The following NUP54 variants were observed in gnomAD, a reference collection of about 807,000 sequenced individuals.
NUP54 encodes nucleoporin p54.
In NUP54, 27 loss-of-function variants were observed where a neutral mutation model predicts 66.4. The ratio of observed to expected loss-of-function variants is 0.41; its 90% CI spans 0.30 to 0.56. The LOEUF (loss-of-function observed/expected upper bound fraction) is 0.56. Ranked by LOEUF, NUP54 falls within the 20% of genes least tolerant of loss-of-function variation. The pLI, the probability that NUP54 is intolerant of heterozygous loss-of-function variation, is 0.34. For synonymous variants in NUP54, 206 were observed against 210.7 expected (o/e 0.98, Z 0.19); for missense variants, 486 against 596.3 (o/e 0.82, Z 1.93).
chr4:76,120,101 C>T (rs62299348), intron 9 of NUP54, among the ~76,000 whole-genome samples: 20,009 of 151,976 alleles, frequency 0.13, 1,546 homozygotes, highest in East Asian at 0.35. Flanking sequence ...TTTGTTTTCA[C>T]ACTACAATGC....
chr4:76,118,245 T>C (rs752659672), intron 9 of NUP54, 51 bp from the exon 10 acceptor site: 2 of 1,534,070 alleles, frequency 1.3e-6, no homozygotes, highest in Admixed American at 1.7e-5. Context: ...TTTTTAGTTA[T>C]GCAAGTAGTA....
At chr4:76,138,407 A>C (rs1731128804) in intron 3 of NUP54, among the ~76,000 whole-genome samples, 1 of 152,110 alleles carries the variant, frequency 6.6e-6, no homozygotes, top group Non-Finnish European at 1.5e-5. Flanking sequence ...TTCTCCCTTA[A>C]ATTTCCTGAC....
At chr4:76,123,669 T>C (rs1282192500) in intron 9 of NUP54, among the ~76,000 whole-genome samples, 1 of 152,052 alleles carries the variant, frequency 6.6e-6, no homozygotes, top group African/African-American at 2.4e-5. Context: ...CAAGCAACCA[T>C]GCCTGGCTGA....
At chr4:76,136,147 A>G (rs756229819) in intron 4 of NUP54, 39 bp downstream of exon 4, 23 of 1,402,530 alleles carry the variant, frequency 1.6e-5, no homozygotes, top group Non-Finnish European at 2.2e-5. Context: ...TCTGTTATAC[A>G]AAATCTTCAA....
At chr4:76,136,992 CTAA>C (rs1479018616) in intron 3 of NUP54, among the ~76,000 whole-genome samples, 6 of 152,186 alleles carry the variant, frequency 3.9e-5, no homozygotes, top group African/African-American at 1.4e-4. Flanking sequence ...ATTTGTTTTT[CTAA>C]TAATATTTTT....
At chr4:76,145,338 AAT>A (rs1731449220) in intron 1 of NUP54, among the ~76,000 whole-genome samples, 1 of 145,860 alleles carries the variant, frequency 6.9e-6, no homozygotes, top group Admixed American at 6.9e-5. Flanking sequence ...AAAAAAAAAA[AAT>A]TTATTGGTTT....
intron 8 of NUP54, among the ~76,000 whole-genome samples, chr4:76,125,316 T>TCACACACACACACACACACACACA (rs34954421): frequency 2.4e-5 from 3 of 125,284 alleles, no homozygotes; most frequent in African/African-American, 8.2e-5. Context: ...TGAGACTCCA[T>TCACACACACACACACACACACACA]CACACACACA....
At chr4:76,115,931 T>G (rs561203061) in intron 11 of NUP54, among the ~76,000 whole-genome samples, 52 of 152,222 alleles carry the variant, frequency 3.4e-4, no homozygotes, top group African/African-American at 9.9e-4. Context: ...TTTTTAAGAC[T>G]CCTCCTCATG....
At chr4:76,121,893 A>G (rs898219632) in intron 9 of NUP54, among the ~76,000 whole-genome samples, 2 of 152,214 alleles carry the variant, frequency 1.3e-5, no homozygotes, top group African/African-American at 4.8e-5. Context: ...TTTTCCAGAT[A>G]TACAATCATA....
chr4:76,129,633 A>C (rs911326221), intron 8 of NUP54, among the ~76,000 whole-genome samples: 2 of 152,176 alleles, frequency 1.3e-5, no homozygotes, highest in Non-Finnish European at 2.9e-5. Flanking sequence ...CGGGAGGCCG[A>C]GATGGGTGGA....
At chr4:76,117,931 A>G (rs1246623473) in intron 10 of NUP54, 144 bp downstream of exon 10, 1 of 1,020,254 alleles carries the variant, frequency 9.8e-7, no homozygotes. Flanking sequence ...CAAAAGAACC[A>G]TGACTGAGTT....
intron 9 of NUP54, among the ~76,000 whole-genome samples, chr4:76,121,586 TTC>T (rs1730239804): frequency 1.3e-5 from 2 of 152,222 alleles, no homozygotes; most frequent in Admixed American, 1.3e-4. Flanking sequence ...TGCCTCAGCC[TTC>T]TGAGTAGCTG....
intron 3 of NUP54, among the ~76,000 whole-genome samples, chr4:76,140,269 T>C (rs904605632): frequency 6.0e-5 from 9 of 150,068 alleles, no homozygotes; most frequent in Non-Finnish European, 1.2e-4. Context: ...CAATAAGGGA[T>C]TTTATTTTCT....
At chr4:76,118,764 G>T (rs1341846752) in intron 9 of NUP54, among the ~76,000 whole-genome samples, 1 of 151,774 alleles carries the variant, frequency 6.6e-6, no homozygotes, top group African/African-American at 2.4e-5. Flanking sequence ...CAGCACTTTG[G>T]GAGGACAAGG....
At chr4:76,146,365 C>G (rs1164779505) in intron 1 of NUP54, among the ~76,000 whole-genome samples, 8 of 152,108 alleles carry the variant, frequency 5.3e-5, no homozygotes, top group Non-Finnish European at 1.2e-4. Flanking sequence ...TTCTGTTTTA[C>G]CCAGTGCCAA....
chr4:76,140,008 C>T (rs761036786), intron 3 of NUP54, among the ~76,000 whole-genome samples: 11 of 152,088 alleles, frequency 7.2e-5, no homozygotes, highest in South Asian at 2.1e-4. Flanking sequence ...AGAGTGGTAG[C>T]TGAAGTGAAA....
chr4:76,121,985 T>C (rs559816268), intron 9 of NUP54, among the ~76,000 whole-genome samples: 1 of 152,248 alleles, frequency 6.6e-6, no homozygotes, highest in Non-Finnish European at 1.5e-5. Flanking sequence ...ACCTCCAAGA[T>C]AGCAACAAAT....
rs1730931088 is a variant in NUP54 at position 76,134,157 on chromosome 4, A to G, written c.710+18T>C. On this transcript the variant is annotated intron_variant, in intron 5 of 11. Transcript: ENST00000264883. ...AAATAAATACACAGAAATAAACAGT[A>G]TATTTATGTATACTTACTGATCATC... The G allele has an allele frequency of 3.9e-6, 6 of 1,534,778 alleles. No individual in the cohort carries two copies. The highest frequency in any genetic ancestry group is 5.4e-6 in the Non-Finnish European group (6 of 1,112,292).
At chr4:76,138,456 C>T (rs1240549880) in intron 3 of NUP54, among the ~76,000 whole-genome samples, 1 of 152,176 alleles carries the variant, frequency 6.6e-6, no homozygotes, top group African/African-American at 2.4e-5. Context: ...CACATTCATT[C>T]ATTCATTCAC....
Sources: gnomAD v4.1 joint callset for allele counts (sites outside exome capture counted in the v4.1 genomes callset) on GRCh38, gnomAD v4.1.1 for gene constraint, MANE v1.5 for transcripts, NCBI Gene and HGNC (gene_info 2026-07-23, HGNC 2026-07-21) for gene names.